PRKCH: variants seen among roughly 807,000 people sequenced by gnomAD.
The protein encoded by PRKCH is protein kinase C eta.
PRKCH carries 28 observed loss-of-function variants against 82.5 expected under a neutral mutation model. The observed-to-expected ratio is 0.34, with a 90% CI of 0.25 to 0.47. PRKCH has a LOEUF of 0.47. Ranked by LOEUF, PRKCH falls within the 20% of genes least tolerant of loss-of-function variation. The pLI is 1.00. For missense variants in PRKCH, 705 were observed against 881.8 expected, an observed-to-expected ratio of 0.80 and a Z score of 2.54; for synonymous variants, 322 against 327.4, an observed-to-expected ratio of 0.98 and a Z score of 0.18.
chr14:61,318,465 AAAG>A (rs1430253965), upstream of PRKCH, among the ~76,000 whole-genome samples: 6 of 144,166 alleles, frequency 4.2e-5, no homozygotes, highest in East Asian at 8.2e-4. Flanking sequence ...TTGTCCTCCC[AAAG>A]TGCTGGGATT....
At chr14:61,315,267 A>G (rs562303492) in intron 1 of PRKCH, among the ~76,000 whole-genome samples, 28 of 152,208 alleles carry the variant, frequency 1.8e-4, no homozygotes, top group Non-Finnish European at 3.1e-4. Flanking sequence ...TAGTAGCGGT[A>G]GTTTTCAATC....
intron 1 of PRKCH, among the ~76,000 whole-genome samples, chr14:61,369,756 A>G (rs181177462): frequency 1.4e-3 from 214 of 152,192 alleles, no homozygotes; most frequent in Middle Eastern, 3.4e-3. Flanking sequence ...TAGATTCCCC[A>G]GAAGAATTAT....
At chr14:61,439,411 A>G (rs954292458) in intron 2 of PRKCH, among the ~76,000 whole-genome samples, 1 of 152,122 alleles carries the variant, frequency 6.6e-6, no homozygotes, top group Non-Finnish European at 1.5e-5. Context: ...AATGTCTTGC[A>G]AAGTCCCAGG....
intron 1 of PRKCH, among the ~76,000 whole-genome samples, chr14:61,372,166 T>A (rs1305472242): frequency 2.0e-5 from 3 of 152,000 alleles, no homozygotes; most frequent in African/African-American, 7.3e-5. Flanking sequence ...CTTTGCCCCA[T>A]CCCTAGAATC....
intron 9 of PRKCH, chr14:61,463,117 T>C (rs1487120859): frequency 6.6e-6 from 1 of 152,232 alleles, no homozygotes; most frequent in African/African-American, 2.4e-5. Flanking sequence ...TCTAAATGGC[T>C]TGAGTCTGTC....
In PRKCH at chr14:61,278,680, G is replaced by T. The variant is rs2140090543; in HGVS notation, c.-19+91012G>T. On this transcript the variant is annotated intron_variant, in intron 1 of 3. Coordinates refer to the PRKCH transcript ENST00000555185. Reference sequence around the variant, plus strand: ...AAACTGGTAAGATGATATCACAAAGGGTTTTAAGTTATTTTGCTATACAAG... The same window carrying T: ...AAACTGGTAAGATGATATCACAAAGTGTTTTAAGTTATTTTGCTATACAAG... 7 of 151,926 alleles carry T rather than the reference G, an allele frequency of 4.6e-5. 1 individual carries two copies. In the Middle Eastern group the frequency reaches 0.02, roughly 443 times the overall value. 9.4% of individuals were successfully genotyped at this position (151,926 alleles called of 1,614,324 possible). A position where few individuals can be genotyped will look rare whatever the true frequency, so the allele number is the denominator to read the frequency against.
intron 10 of PRKCH, among the ~76,000 whole-genome samples, chr14:61,498,150 A>C (rs1272133107): frequency 1.3e-5 from 2 of 152,008 alleles, no homozygotes; most frequent in African/African-American, 4.8e-5. Context: ...AGTGCCTGGG[A>C]TTGCAGACAT....
At chr14:61,504,365 T>C (rs1043878971) in intron 10 of PRKCH, among the ~76,000 whole-genome samples, 8 of 152,144 alleles carry the variant, frequency 5.3e-5, no homozygotes, top group Admixed American at 5.2e-4. Context: ...ATTTTTGTTA[T>C]TTTTAGTAGA....
At chr14:61,295,988 C>T (rs2045403014) in intron 1 of PRKCH, among the ~76,000 whole-genome samples, 2 of 151,888 alleles carry the variant, frequency 1.3e-5, no homozygotes, top group African/African-American at 2.4e-5. Context: ...CTGAAGCGGT[C>T]GGCTAGGGAT....
At chr14:61,435,038 A>G (rs1883608334) in intron 2 of PRKCH, among the ~76,000 whole-genome samples, 1 of 152,146 alleles carries the variant, frequency 6.6e-6, no homozygotes, top group Non-Finnish European at 1.5e-5. Context: ...CCACCCCTGA[A>G]GCAGCCATCA....
At chr14:61,278,506 A>G (rs1388044790) in intron 1 of PRKCH, 1 of 152,226 alleles carries the variant, frequency 6.6e-6, no homozygotes, top group Non-Finnish European at 1.5e-5. Context: ...TATTCAATAC[A>G]ATTCAATATT....
At chr14:61,532,387 G>A (rs950616430) in intron 12 of PRKCH, among the ~76,000 whole-genome samples, 1 of 152,202 alleles carries the variant, frequency 6.6e-6, no homozygotes, top group African/African-American at 2.4e-5. Context: ...TAGCAATCCA[G>A]ATCAGTGTTT....
Position 61,550,692 on chromosome 14 carries a change from T to G in PRKCH, c.*861T>G, listed in dbSNP as rs886613370. On this transcript the variant is annotated 3_prime_UTR_variant, in exon 14 of 14. Coordinates refer to ENST00000332981, the MANE Select transcript of PRKCH (RefSeq NM_006255.5). The stretch of plus-strand genomic sequence containing the variant: ...GCACAGTCAGCGGGTGAATTACAGG[T>G]GCCTGCTGCCTGCCTACCTGGGTAA... 1 of 152,592 alleles carries G rather than the reference T, an allele frequency of 6.6e-6. No homozygotes were observed. Among genetic ancestry groups the G allele is most frequent in the Admixed American group, 6.5e-5 (1 of 15,288 alleles). The allele number at this position is 152,592 out of a possible 1,614,324, so 9.5% of individuals were successfully genotyped here.
intron 1 of PRKCH, among the ~76,000 whole-genome samples, chr14:61,331,470 A>G (rs1025250705): frequency 2.6e-5 from 4 of 152,162 alleles, no homozygotes; most frequent in Non-Finnish European, 4.4e-5. Context: ...AGTGAGAGCT[A>G]TGATCGAGCT....
intron 2 of PRKCH, among the ~76,000 whole-genome samples, chr14:61,393,810 A>C (rs2046725558): frequency 6.6e-6 from 1 of 152,210 alleles, no homozygotes; most frequent in Non-Finnish European, 1.5e-5. Flanking sequence ...CTATTTACCC[A>C]ATCCTGCACA....
intron 1 of PRKCH, among the ~76,000 whole-genome samples, chr14:61,375,784 C>G (rs1223187800): frequency 1.3e-5 from 2 of 152,006 alleles, no homozygotes; most frequent in Non-Finnish European, 2.9e-5. Flanking sequence ...GGTGTGAACA[C>G]AGAGCCAAAC....
At chr14:61,238,319 A>C (rs193030906) in intron 1 of PRKCH, among the ~76,000 whole-genome samples, 1 of 152,198 alleles carries the variant, frequency 6.6e-6, no homozygotes, top group Non-Finnish European at 1.5e-5. Context: ...GGTCCCTGAC[A>C]GGAGATTGAG....
At chr14:61,508,990 T>A (rs1248058197) in intron 10 of PRKCH, among the ~76,000 whole-genome samples, 2 of 152,054 alleles carry the variant, frequency 1.3e-5, no homozygotes, top group Non-Finnish European at 2.9e-5. Flanking sequence ...GTTCTCACCT[T>A]CTCCAAGGTG....
chr14:61,292,441 C>T (rs1399042771), intron 1 of PRKCH, among the ~76,000 whole-genome samples: 1 of 152,044 alleles, frequency 6.6e-6, no homozygotes, highest in Non-Finnish European at 1.5e-5. Flanking sequence ...GTGATCACAC[C>T]ACTAGACTCC....
Sources: gnomAD v4.1 joint callset for allele counts (sites outside exome capture counted in the v4.1 genomes callset) on GRCh38, gnomAD v4.1.1 for gene constraint, MANE v1.5 for transcripts, NCBI Gene and HGNC (gene_info 2026-07-23, HGNC 2026-07-21) for gene names.